Variants in PTPRO observed in about 807,000 individuals in gnomAD.
The protein encoded by PTPRO is protein tyrosine phosphatase receptor type O.
PTPRO carries 62 observed loss-of-function variants against 145.2 expected under a neutral mutation model. The observed-to-expected ratio is 0.43, with a 90% confidence interval of 0.35 to 0.53. The LOEUF (loss-of-function observed/expected upper bound fraction) is 0.53, where lower values mean the gene tolerates loss of function less well. Ranked by LOEUF, PTPRO falls within the 20% of genes least tolerant of loss-of-function variation. The probability of loss-of-function intolerance (pLI) is 0.01; values close to 1 mark genes in which losing one functional copy is unlikely to be tolerated. For missense variants in PTPRO, 1,345 were observed against 1,482.7 expected (o/e 0.91, Z 1.53); for synonymous variants, 565 against 514.7 (o/e 1.10, Z -1.32).
intron 1 of PTPRO, among the ~76,000 whole-genome samples, chr12:15,418,638 A>G (rs1375239453): frequency 6.6e-6 from 1 of 151,808 alleles, no homozygotes; most frequent in Non-Finnish European, 1.5e-5. Context: ...ATTCCTGGCA[A>G]GGAGAACATG....
chr12:15,496,973 T>A (rs1450280267), intron 2 of PTPRO, among the ~76,000 whole-genome samples: 2 of 152,182 alleles, frequency 1.3e-5, no homozygotes, highest in Non-Finnish European at 2.9e-5. Flanking sequence ...GATGGAGATA[T>A]TTTATTTGCT....
At chr12:15,540,841 C>T (rs1449060526) in intron 12 of PTPRO, among the ~76,000 whole-genome samples, 1 of 152,196 alleles carries the variant, frequency 6.6e-6, no homozygotes, top group Non-Finnish European at 1.5e-5. Flanking sequence ...GCCTTGCAGC[C>T]TTCCAGTCTG....
chr12:15,529,762 C>A (rs1364630986), intron 12 of PTPRO, among the ~76,000 whole-genome samples: 1 of 152,122 alleles, frequency 6.6e-6, no homozygotes, highest in African/African-American at 2.4e-5. Context: ...TAAAAAGCAA[C>A]AAATTAATAC....
intron 1 of PTPRO, among the ~76,000 whole-genome samples, chr12:15,386,213 C>G (rs1455382764): frequency 1.3e-5 from 2 of 151,978 alleles, no homozygotes; most frequent in African/African-American, 4.8e-5. Flanking sequence ...GGAACATAAC[C>G]AGTTGCATGA....
intron 2 of PTPRO, 41 bp from the exon 3 acceptor site, chr12:15,497,204 C>G (rs199522094): frequency 2.0e-6 from 3 of 1,511,150 alleles, no homozygotes; most frequent in Non-Finnish European, 2.7e-6. Flanking sequence ...CTTTCTCTCT[C>G]CTCTTTCTTT....
At chr12:15,536,545 G>A (rs939900126) in intron 12 of PTPRO, among the ~76,000 whole-genome samples, 29 of 152,208 alleles carry the variant, frequency 1.9e-4, no homozygotes, top group African/African-American at 5.8e-4. Flanking sequence ...GGAACAGACC[G>A]TGTAGGGTCA....
intron 10 of PTPRO, among the ~76,000 whole-genome samples, chr12:15,521,485 T>C (rs990254249): frequency 1.7e-4 from 26 of 152,238 alleles, no homozygotes; most frequent in African/African-American, 6.3e-4. Flanking sequence ...CAATAATTCT[T>C]ATAATTTAAC....
intron 2 of PTPRO, among the ~76,000 whole-genome samples, chr12:15,488,110 G>T (rs912156643): frequency 6.6e-6 from 1 of 152,122 alleles, no homozygotes; most frequent in Admixed American, 6.5e-5. Context: ...TTATGATTTC[G>T]TGAATTATGT....
In PTPRO at chr12:15,414,769, C is replaced by T. The variant is rs146783608; in HGVS notation, c.76-69205C>T. On this transcript the variant is annotated intron_variant, in intron 1 of 26. Coordinates refer to ENST00000281171, the MANE Select transcript of PTPRO (RefSeq NM_030667.3). The stretch of plus-strand genomic sequence containing the variant: ...TGTAAGAGAACCAAGAAAGTATAGA[C>T]TAATTGTTTATTTTAAAAAGCACAA... Among the ~76,000 whole-genome samples the T allele has an allele frequency of 4.6e-5, 7 of 152,270 alleles. No homozygotes were observed. In the East Asian group the frequency reaches 1.3e-3, roughly 29 times the overall value.
intron 4 of PTPRO, among the ~76,000 whole-genome samples, chr12:15,500,955 G>A (rs1296194667): frequency 6.6e-6 from 1 of 152,140 alleles, no homozygotes; most frequent in Non-Finnish European, 1.5e-5. Context: ...TCATGGAAGA[G>A]GTGATAATGG....
intron 25 of PTPRO, among the ~76,000 whole-genome samples, chr12:15,590,761 A>G (rs943507335): frequency 1.3e-5 from 2 of 152,192 alleles, no homozygotes; most frequent in South Asian, 2.1e-4. Flanking sequence ...AGCAAGTCCA[A>G]TTGGTTTCCT....
intron 1 of PTPRO, among the ~76,000 whole-genome samples, chr12:15,479,622 A>G (rs1031830440): frequency 1.3e-5 from 2 of 152,176 alleles, no homozygotes; most frequent in African/African-American, 4.8e-5. Context: ...GCTCTCCTAA[A>G]AGGAACCTAG....
At chr12:15,370,222 A>C (rs1938485050) in intron 1 of PTPRO, among the ~76,000 whole-genome samples, 1 of 152,170 alleles carries the variant, frequency 6.6e-6, no homozygotes. Context: ...TAAAGAAAAA[A>C]TTATAATGCT....
chr12:15,400,594 G>A (rs1479474292), intron 1 of PTPRO, among the ~76,000 whole-genome samples: 1 of 152,074 alleles, frequency 6.6e-6, no homozygotes, highest in African/African-American at 2.4e-5. Flanking sequence ...CTCCAACTGA[G>A]GCACCTTGCA....
chr12:15,326,814 G>T (rs188364775), intron 1 of PTPRO, among the ~76,000 whole-genome samples: 2 of 152,056 alleles, frequency 1.3e-5, no homozygotes, highest in African/African-American at 4.8e-5. Flanking sequence ...ATGCCTCTCC[G>T]TACACAGTTT....
chr12:15,376,869 T>C (rs7958569), intron 1 of PTPRO, among the ~76,000 whole-genome samples: 22,480 of 152,096 alleles, frequency 0.15, 3,753 homozygotes, highest in African/African-American at 0.41. Context: ...GGTATTTCAA[T>C]ATATAAATGT....
chr12:15,430,834 A>G (rs186318331), intron 1 of PTPRO, among the ~76,000 whole-genome samples: 1 of 152,336 alleles, frequency 6.6e-6, no homozygotes, highest in Admixed American at 6.5e-5. Flanking sequence ...CGGTATAAAT[A>G]TATACAATTT....
intron 1 of PTPRO, among the ~76,000 whole-genome samples, chr12:15,360,981 TAC>T (rs1171175258): frequency 2.0e-5 from 3 of 147,306 alleles, no homozygotes; most frequent in African/African-American, 7.5e-5. Flanking sequence ...CACGTATATA[TAC>T]ACACACATAG....
At position 15,375,444 on chromosome 12, in the gene PTPRO, A is replaced by G. The variant is rs2136266410; in HGVS notation, c.75+52643A>G. Reference sequence around the variant, plus strand: ...AGGACAGTATGACAATAATTCACCCAATAAAGATTATCAGTAAAGAAACAG... The same window carrying G: ...AGGACAGTATGACAATAATTCACCCGATAAAGATTATCAGTAAAGAAACAG... On this transcript the variant is annotated intron_variant, in intron 1 of 26. Transcript: ENST00000281171. 3.3e-5 allele frequency among the ~76,000 whole-genome samples: 5 copies of G among 152,302 alleles called. No homozygotes were observed. The South Asian group carries it at 1.0e-3, about 32-fold the overall frequency.
Sources: gnomAD v4.1 joint callset for allele counts (sites outside exome capture counted in the v4.1 genomes callset) on GRCh38, gnomAD v4.1.1 for gene constraint, MANE v1.5 for transcripts, NCBI Gene and HGNC (gene_info 2026-07-23, HGNC 2026-07-21) for gene names.